The following DST variants were observed in gnomAD, a reference collection of about 807,000 sequenced individuals.
DST encodes dystonin.
A neutral mutation model predicts 875.2 loss-of-function variants in DST; 253 were observed. That is an observed-to-expected ratio of 0.29 (90% CI 0.26 to 0.32). The LOEUF is 0.32. DST is among the 10% of genes least tolerant of loss of function. The pLI is 1.00. For synonymous variants in DST, 3,124 were observed against 3,197.1 expected (o/e 0.98, Z 0.77); for missense variants, 8,287 against 9,111.6 (o/e 0.91, Z 3.68).
chr6:56,645,965 A>G lies in DST; in HGVS notation c.1679T>C (p.Leu560Pro). Residue 560 changes from leucine (L) to proline (P), a missense_variant, in exon 15 of 104, where the codon CTC becomes CCC. Around this residue, in one of 10 missense-constraint regions of DST, gnomAD observed 1,160 missense variants for 1,424.3 expected, o/e 0.81. Coordinates refer to ENST00000680361, the MANE Select transcript of DST (RefSeq NM_001374736.1). ...EIWIEFGRIK[L>P]LQGYHPNDIE... ...GTCATTTGGATGATAACCTTGAAGG[A>G]GCTTGATGCGTCCAAATTCTATCCA... The G allele has an allele frequency of 2.5e-6, 4 of 1,613,356 alleles. No individual in the cohort carries two copies. Among genetic ancestry groups the G allele is most frequent in the Non-Finnish European group, 1.7e-6 (2 of 1,179,680 alleles).
At position 56,498,924 on chromosome 6, in the gene DST, G is replaced by A. The variant is rs534978858; in HGVS notation, c.19897-871C>T. Reference sequence around the variant, plus strand: ...CTTACTACAGAACCCAGCAAATAATGCCTTCCTTTTATACAGTGGAAATAT... The same window carrying A: ...CTTACTACAGAACCCAGCAAATAATACCTTCCTTTTATACAGTGGAAATAT... On this transcript the variant is annotated intron_variant, in intron 80 of 103. Coordinates refer to ENST00000680361, the MANE Select transcript of DST (RefSeq NM_001374736.1). Among the ~76,000 whole-genome samples, 3 of 152,208 alleles carry A rather than the reference G, an allele frequency of 2.0e-5. No homozygotes were observed. The South Asian group carries it at 6.2e-4, about 32-fold the overall frequency.
intron 3 of DST, among the ~76,000 whole-genome samples, chr6:56,880,702 G>GAAAAAAA (rs1278713001): frequency 1.8e-4 from 16 of 89,732 alleles, no homozygotes; most frequent in East Asian, 3.5e-4. Flanking sequence ...AAAGAAAAAA[G>GAAAAAAA]AAAAAAAAAA....
Position 56,557,416 on chromosome 6 carries a change from A to T in DST, c.14543T>A (p.Leu4848Ter). The change falls in exon 59 of 104, where the codon TTG becomes TAG. Residue 4848 changes from leucine (L) to a stop codon, truncating the protein, a stop_gained. Transcript: ENST00000680361. LOFTEE classifies it high-confidence loss of function. ...TTCTTTTTCCACAAGCCACTGTTTCAATTGGGCCTCTACAGTCTGGAACTG... is the reference window on the plus strand; with the variant it reads ...TTCTTTTTCCACAAGCCACTGTTTCTATTGGGCCTCTACAGTCTGGAACTG... The part of the protein sequence containing the change: ...LTQFQTVEAQ[L>*]KQWLVEKELM... 6.2e-7 allele frequency: 1 copy of T among 1,613,744 alleles called. No individual in the cohort carries two copies. The highest frequency in any genetic ancestry group is 8.5e-7 in the Non-Finnish European group (1 of 1,179,702).
At chr6:56,805,156 T>C (rs779429902) in intron 4 of DST, among the ~76,000 whole-genome samples, 2 of 152,162 alleles carry the variant, frequency 1.3e-5, no homozygotes, top group South Asian at 4.1e-4. Context: ...ATGTGCATCA[T>C]GCAGTTTCTA....
At chr6:56,656,450 C>T (rs894151227) in intron 10 of DST, among the ~76,000 whole-genome samples, 6 of 152,190 alleles carry the variant, frequency 3.9e-5, no homozygotes, top group African/African-American at 1.4e-4. Flanking sequence ...AAAACAACAA[C>T]AGGGACTAAT....
chr6:56,698,393 T>C (rs1174377035), intron 9 of DST, among the ~76,000 whole-genome samples: 1 of 151,810 alleles, frequency 6.6e-6, no homozygotes, highest in African/African-American at 2.4e-5. Context: ...TGGCGCAATC[T>C]CAGCTCACTG....
intron 68 of DST, among the ~76,000 whole-genome samples, 177 bp from the exon 69 acceptor site, chr6:56,526,744 A>C (rs945075137): frequency 6.6e-6 from 1 of 151,902 alleles, no homozygotes; most frequent in Non-Finnish European, 1.5e-5. Context: ...ATTTTGCAAA[A>C]AGAAAAATGT....
intron 70 of DST, 47 bp downstream of exon 70, chr6:56,517,454 C>T: frequency 6.2e-7 from 1 of 1,603,264 alleles, no homozygotes; most frequent in South Asian, 1.1e-5. Context: ...AGAGTTGGAG[C>T]ACACCAGCAA....
intron 4 of DST, among the ~76,000 whole-genome samples, chr6:56,750,889 G>C (rs1403929419): frequency 2.0e-5 from 3 of 152,122 alleles, no homozygotes; most frequent in African/African-American, 7.2e-5. Context: ...TGTTCTATAA[G>C]CCAATGTCTC....
At position 56,656,504 on chromosome 6, in the gene DST, T is replaced by C. The variant is rs375652996; in HGVS notation, c.1215-5260A>G. On this transcript the variant is annotated intron_variant, in intron 10 of 103. Transcript: ENST00000680361. ...TGTGGCAGGCAATGCATTAAAGGAC[T>C]TAAAGCATTATCTCACTTAATCATC... 1.3e-4 allele frequency among the ~76,000 whole-genome samples: 20 copies of C among 152,350 alleles called. No homozygotes were observed. In the East Asian group the frequency reaches 2.9e-3, roughly 22 times the overall value.
chr6:56,797,818 C>CAAA (rs34649685), intron 4 of DST, among the ~76,000 whole-genome samples: 20 of 60,824 alleles, frequency 3.3e-4, no homozygotes, highest in African/African-American at 9.4e-4. Context: ...AACTCCGTCT[C>CAAA]AAAAAAAAAA....
At chr6:56,891,468 G>T (rs1457016864) in intron 3 of DST, among the ~76,000 whole-genome samples, 1 of 151,802 alleles carries the variant, frequency 6.6e-6, no homozygotes, top group East Asian at 1.9e-4. Context: ...CCAGAAGGCT[G>T]AGGCAGGAGA....
chr6:56,657,761 T>C (rs1484933397), intron 10 of DST, among the ~76,000 whole-genome samples: 1 of 152,078 alleles, frequency 6.6e-6, no homozygotes, highest in Non-Finnish European at 1.5e-5. Flanking sequence ...ACAATCTAAT[T>C]TTTTTATTAT....
chr6:56,487,187 C>G lies in DST; in HGVS notation c.20964G>C (p.Leu6988=). 6.2e-7 allele frequency: 1 copy of G among 1,613,888 alleles called. No homozygotes were observed. The highest frequency in any genetic ancestry group is 8.5e-7 in the Non-Finnish European group (1 of 1,179,846). Residue 6988 remains leucine (L), a synonymous_variant, in exon 87 of 104, where the codon CTG becomes CTC. Transcript: ENST00000680361. ...TGRSLKEKTS[L]ADDNLKLDDM... ...CATCCAGTTTCAGGTTGTCATCAGC[C>G]AGGGAGGTTTTCTCCTTCAGAGAAC...
chr6:56,880,643 C>T (rs1406275244), intron 3 of DST, among the ~76,000 whole-genome samples: 3 of 148,892 alleles, frequency 2.0e-5, no homozygotes, highest in African/African-American at 5.0e-5. Context: ...GCCAAGATCA[C>T]ACCACTGCAC....
chr6:56,567,409 T>C (rs2097696935), intron 55 of DST, among the ~76,000 whole-genome samples: 1 of 143,532 alleles, frequency 7.0e-6, no homozygotes. Context: ...ATTCCTACCA[T>C]GCTTGGTAGT....
intron 2 of DST, among the ~76,000 whole-genome samples, chr6:56,901,321 C>T (rs766515007): frequency 5.9e-5 from 9 of 152,222 alleles, no homozygotes; most frequent in Non-Finnish European, 1.3e-4. Flanking sequence ...TCCAGCTGGG[C>T]ACAATGGCTC....
At chr6:56,822,811 ATTT>A (rs914850679) in intron 4 of DST, among the ~76,000 whole-genome samples, 3 of 151,388 alleles carry the variant, frequency 2.0e-5, no homozygotes, top group Admixed American at 2.0e-4. Context: ...TTATTTATTT[ATTT>A]TTATTTTATT....
rs114021039 is a variant in DST, at chr6:56,799,490, G to C, written c.625+51907C>G. On this transcript the variant is annotated intron_variant, in intron 4 of 103. Transcript: ENST00000680361. Reference sequence around the variant, plus strand: ...TCAAATCTTCAGGAACCACCACCCTGATCAGTCAACAGCCATCAACATCAA... The same window carrying C: ...TCAAATCTTCAGGAACCACCACCCTCATCAGTCAACAGCCATCAACATCAA... 5.0e-3 allele frequency among the ~76,000 whole-genome samples: 762 copies of C among 151,756 alleles called. 6 individuals carry two copies. The highest frequency in any genetic ancestry group is 0.018 in the African/African-American group (732 of 41,354).
Sources: gnomAD v4.1 joint callset for allele counts (sites outside exome capture counted in the v4.1 genomes callset) on GRCh38, gnomAD v4.1.1 for gene constraint, gnomAD v4.1.1 regional missense constraint, MANE v1.5 for transcripts, NCBI Gene and HGNC (gene_info 2026-07-23, HGNC 2026-07-21) for gene names.